SGPP2: variants seen among roughly 807,000 people sequenced by gnomAD.
SGPP2 encodes sphingosine-1-phosphate phosphatase 2.
A neutral mutation model predicts 33.9 loss-of-function variants in SGPP2; 30 were observed. That is an observed-to-expected ratio of 0.89 (90% CI 0.66 to 1.20). SGPP2 has a LOEUF of 1.20. SGPP2 is among the 50% of genes most tolerant of loss of function. The probability of loss-of-function intolerance (pLI) is 0.00; values close to 1 mark genes in which losing one functional copy is unlikely to be tolerated. For synonymous variants in SGPP2, 233 were observed against 225.0 expected (o/e 1.04, Z -0.32); for missense variants, 458 against 532.1 (o/e 0.86, Z 1.37).
chr2:222,520,409 A>T (rs1156798422), intron 2 of SGPP2, among the ~76,000 whole-genome samples: 1 of 152,136 alleles, frequency 6.6e-6, no homozygotes, highest in East Asian at 1.9e-4. Context: ...GTCTTCGTTA[A>T]TGACCTCATG....
intron 1 of SGPP2, among the ~76,000 whole-genome samples, chr2:222,468,744 A>G (rs1250995330): frequency 2.6e-5 from 4 of 152,148 alleles, no homozygotes; most frequent in Non-Finnish European, 5.9e-5. Flanking sequence ...TACATTCTCA[A>G]TGTTCTTTTT....
At chr2:222,459,591 G>GTGTA (rs1029642144) in intron 1 of SGPP2, among the ~76,000 whole-genome samples, 1 of 152,092 alleles carries the variant, frequency 6.6e-6, no homozygotes, top group Non-Finnish European at 1.5e-5. Context: ...GGGGAGTGGT[G>GTGTA]TGTATGCATG....
chr2:222,474,441 T>C (rs556944374), intron 1 of SGPP2, 127 bp from the exon 2 acceptor site: 10 of 731,674 alleles, frequency 1.4e-5, no homozygotes, highest in Non-Finnish European at 2.0e-5. Context: ...ACAGCAATGA[T>C]ACCTTAATAA....
intron 1 of SGPP2, among the ~76,000 whole-genome samples, chr2:222,466,988 A>C (rs990297204): frequency 1.3e-5 from 2 of 152,018 alleles, no homozygotes; most frequent in African/African-American, 4.8e-5. Flanking sequence ...CTGGTTTGTC[A>C]CTGGCATTTT....
intron 1 of SGPP2, among the ~76,000 whole-genome samples, chr2:222,426,283 C>T (rs1277988812): frequency 1.3e-5 from 2 of 149,808 alleles, no homozygotes; most frequent in African/African-American, 4.9e-5. Flanking sequence ...ATGGCTGAAA[C>T]GTGCCGTGAC....
In SGPP2 at chr2:222,479,399, C is replaced by CTTTTTTTT. The variant is rs568165167; in HGVS notation, c.378+4687_378+4694dup. 2.9e-4 allele frequency among the ~76,000 whole-genome samples: 33 copies of CTTTTTTTT among 114,896 alleles called. 1 individual carries two copies. Among genetic ancestry groups the CTTTTTTTT allele is most frequent in the Non-Finnish European group, 4.5e-4 (26 of 57,404 alleles). The allele number at this position is 114,896 out of a possible 152,430, so 75.4% of individuals were successfully genotyped here. On this transcript the variant is annotated intron_variant, in intron 2 of 4. Coordinates refer to ENST00000321276, the MANE Select transcript of SGPP2 (RefSeq NM_152386.4). The stretch of plus-strand genomic sequence containing the variant: ...GCTTGACTGTTTCTTATCTACCCTT[C>CTTTTTTTT]TTTTTTTTTTTTTTTTTTTTTGAGA...
Position 222,559,159 on chromosome 2 carries a change from GCGCCCC to G in SGPP2, c.*263_*268del, listed in dbSNP as rs1293162276. On this transcript the variant is annotated 3_prime_UTR_variant, in exon 5 of 5. Transcript: ENST00000321276. ...ATCCGGATCTTTAAAGGCACACACC[GCGCCCC>G]CCCCCCCCCCGCCCGGCCCCTGCTC... 3.7e-3 allele frequency: 97 copies of G among 25,918 alleles called. 20 individuals are homozygous for G. Among genetic ancestry groups the G allele is most frequent in the Middle Eastern group, 0.017 (1 of 60 alleles). 1.6% of individuals were successfully genotyped at this position (25,918 alleles called of 1,614,324 possible).
In SGPP2 at chr2:222,560,973, A is replaced by C. The variant is rs1448890873; in HGVS notation, c.*2075A>C. 8 of 151,986 alleles carry C rather than the reference A, an allele frequency of 5.3e-5. No homozygotes were observed. The highest frequency in any genetic ancestry group is 1.2e-4 in the Non-Finnish European group (8 of 68,042). 9.4% of individuals were successfully genotyped at this position (151,986 alleles called of 1,614,324 possible). ...CAAAAAAATTAGCCGGACGTGGTGG[A>C]GGGCGCCTGTAGTCCCAGCTACTCA... On this transcript the variant is annotated 3_prime_UTR_variant, in exon 5 of 5. Coordinates refer to ENST00000321276, the MANE Select transcript of SGPP2 (RefSeq NM_152386.4).
intron 2 of SGPP2, among the ~76,000 whole-genome samples, chr2:222,488,411 A>T (rs566363648): frequency 6.6e-6 from 1 of 152,376 alleles, no homozygotes; most frequent in Admixed American, 6.5e-5. Flanking sequence ...TGAACTGTGC[A>T]TGCAAGGGAT....
At chr2:222,497,074 T>A (rs1698291952) in intron 2 of SGPP2, among the ~76,000 whole-genome samples, 1 of 152,202 alleles carries the variant, frequency 6.6e-6, no homozygotes, top group African/African-American at 2.4e-5. Context: ...TCCATCTTAA[T>A]GGAATGGCTC....
At chr2:222,526,521 T>C (rs1024938161) in intron 4 of SGPP2, among the ~76,000 whole-genome samples, 1 of 152,238 alleles carries the variant, frequency 6.6e-6, no homozygotes, top group African/African-American at 2.4e-5. Flanking sequence ...TCTCCAAATA[T>C]GTTCATAGAC....
In SGPP2 at chr2:222,558,378, T is replaced by C; in HGVS notation, c.680T>C (p.Leu227Pro). The C allele has an allele frequency of 6.2e-7, 1 of 1,614,118 alleles. No individual in the cohort carries two copies. The highest frequency in any genetic ancestry group is 8.5e-7 in the Non-Finnish European group (1 of 1,179,974). Residue 227 changes from leucine to proline, a missense_variant, in exon 5 of 5, where the codon CTC becomes CCC. Leu to Pro is a moderately conservative substitution (Grantham distance 98). Transcript: ENST00000321276. ...CTGGGTGGCGTCCTGATCACCGCAC[T>C]CCTCATCGTCCTCACCTACCCTGCC... ...DVLGGVLITA[L>P]LIVLTYPAWT...
At chr2:222,430,708 G>A (rs919654922) in intron 1 of SGPP2, among the ~76,000 whole-genome samples, 1 of 152,210 alleles carries the variant, frequency 6.6e-6, no homozygotes, top group Non-Finnish European at 1.5e-5. Context: ...TAATTTTACA[G>A]TGTAGAAACT....
chr2:222,424,236 C>T (rs990248590), upstream of SGPP2, among the ~76,000 whole-genome samples: 2 of 129,792 alleles, frequency 1.5e-5, no homozygotes, highest in Non-Finnish European at 3.1e-5. Flanking sequence ...CGGCCGCTCC[C>T]ATTAGTGTTA....
chr2:222,453,899 C>T (rs1478906731), intron 1 of SGPP2, among the ~76,000 whole-genome samples: 1 of 152,104 alleles, frequency 6.6e-6, no homozygotes, highest in African/African-American at 2.4e-5. Flanking sequence ...GTTGAGGAAA[C>T]GGAGGCACAG....
rs76172764 is a variant in SGPP2 at position 222,559,338 on chromosome 2, G to A, written c.*440G>A. 9.3e-3 allele frequency: 1,563 copies of A among 168,028 alleles called. 13 individuals are homozygous for A. The highest frequency in any genetic ancestry group is 0.014 in the Non-Finnish European group (1,035 of 76,440). The allele number at this position is 168,028 out of a possible 1,614,324, so 10.4% of individuals were successfully genotyped here. ...GCTGGAGGTAGAGCCTTTCTTTTCC[G>A]TTACAACCTTGCCTAGCATGGAGTT... On this transcript the variant is annotated 3_prime_UTR_variant, in exon 5 of 5. Coordinates refer to ENST00000321276, the MANE Select transcript of SGPP2 (RefSeq NM_152386.4).
At chr2:222,535,901 G>T (rs1458804144) in intron 4 of SGPP2, among the ~76,000 whole-genome samples, 1 of 152,230 alleles carries the variant, frequency 6.6e-6, no homozygotes, top group East Asian at 1.9e-4. Flanking sequence ...TTAAATTCCA[G>T]CATGCTGAGC....
intron 2 of SGPP2, among the ~76,000 whole-genome samples, chr2:222,507,053 G>A (rs1488168771): frequency 6.6e-6 from 1 of 152,000 alleles, no homozygotes; most frequent in Non-Finnish European, 1.5e-5. Context: ...TCCCAGTGTA[G>A]GTCCACTCAT....
rs111981491 is a variant in SGPP2 at position 222,524,973 on chromosome 2, C to T, written c.588C>T (p.Ala196=). Residue 196 remains alanine, a synonymous_variant, in exon 4 of 5, where the codon GCC becomes GCT. Coordinates refer to ENST00000321276, the MANE Select transcript of SGPP2 (RefSeq NM_152386.4). ...QYPFVLGLVM[A]VVFSTLVCLS... ...CATTTGTGTTGGGACTGGTGATGGC[C>T]GTGGTGTTTTCCACCTTGGTGTGTC... 0.018 allele frequency: 29,165 copies of T among 1,613,794 alleles called. 338 individuals are homozygous for T. The highest frequency in any genetic ancestry group is 0.021 in the Non-Finnish European group (25,191 of 1,179,786).
Sources: allele counts gnomAD v4.1 joint callset (sites outside exome capture counted in the v4.1 genomes callset), GRCh38; gene constraint gnomAD v4.1.1; transcripts MANE v1.5; gene names NCBI Gene and HGNC (gene_info 2026-07-23, HGNC 2026-07-21).